RAPGEF4: variants seen among roughly 807,000 people sequenced by gnomAD.
The protein encoded by RAPGEF4 is Rap guanine nucleotide exchange factor 4, also known as RAP guanine-nucleotide-exchange factor (GEF) 4.
In RAPGEF4, 66 loss-of-function variants were observed where a neutral mutation model predicts 147.9. The observed-to-expected ratio is 0.45, with a 90% CI of 0.37 to 0.55. RAPGEF4 has a LOEUF of 0.55. Among genes scored for constraint, RAPGEF4 ranks in the 20% least tolerant of loss-of-function variants. The pLI is 0.00. For missense variants in RAPGEF4, 1,071 were observed against 1,257.3 expected (o/e 0.85, Z 2.24); for synonymous variants, 419 against 442.7 (o/e 0.95, Z 0.67).
chr2:172,822,840 A>G (rs1689225190), intron 4 of RAPGEF4, among the ~76,000 whole-genome samples: 1 of 152,204 alleles, frequency 6.6e-6, no homozygotes, highest in African/African-American at 2.4e-5. Flanking sequence ...CAGCTAAGCT[A>G]CTGAGCAGCC....
intron 1 of RAPGEF4, among the ~76,000 whole-genome samples, chr2:172,758,942 A>G (rs1412394917): frequency 6.6e-6 from 1 of 152,212 alleles, no homozygotes; most frequent in African/African-American, 2.4e-5. Context: ...GTGAGCATTG[A>G]AAGAGAGGAG....
chr2:172,911,647 C>T lies in RAPGEF4; in HGVS notation c.445-6155C>T, dbSNP rs371004815. ...CTAATTTCTGTATTTTTAGTAGAGACGAGGTTTCACCATGTTGGCCAGGCA... is the reference window on the plus strand; with the variant it reads ...CTAATTTCTGTATTTTTAGTAGAGATGAGGTTTCACCATGTTGGCCAGGCA... On this transcript the variant is annotated intron_variant, in intron 4 of 30. Transcript: ENST00000397081. Among the ~76,000 whole-genome samples, 16 of 151,106 alleles carry T rather than the reference C, an allele frequency of 1.1e-4. 1 individual carries two copies. Among genetic ancestry groups the T allele is most frequent in the Admixed American group, 2.6e-4 (4 of 15,154 alleles).
chr2:172,843,712 T>C (rs1484964651), intron 4 of RAPGEF4, among the ~76,000 whole-genome samples: 2 of 135,268 alleles, frequency 1.5e-5, no homozygotes, highest in African/African-American at 5.6e-5. Flanking sequence ...ATGTATTTCA[T>C]TGCATACATA....
chr2:172,915,893 G>A (rs1161357316), intron 4 of RAPGEF4, among the ~76,000 whole-genome samples: 2 of 152,116 alleles, frequency 1.3e-5, no homozygotes, highest in African/African-American at 4.8e-5. Flanking sequence ...CAACAGATAA[G>A]TACTAAGTTT....
intron 23 of RAPGEF4, among the ~76,000 whole-genome samples, chr2:173,026,320 C>T (rs1047188236): frequency 2.6e-5 from 4 of 152,204 alleles, no homozygotes; most frequent in East Asian, 3.8e-4. Flanking sequence ...GCAGGTCACT[C>T]TTCACTGAAT....
At chr2:172,776,197 A>G (rs994830629) in intron 1 of RAPGEF4, among the ~76,000 whole-genome samples, 2 of 152,172 alleles carry the variant, frequency 1.3e-5, no homozygotes, top group Non-Finnish European at 2.9e-5. Context: ...ACATCACTCT[A>G]TTGGATATGA....
chr2:172,922,073 G>A (rs1311201479), intron 5 of RAPGEF4, among the ~76,000 whole-genome samples: 1 of 152,322 alleles, frequency 6.6e-6, no homozygotes, highest in Admixed American at 6.5e-5. Context: ...TGGTGTCTGG[G>A]CACATGGCCC....
At chr2:172,789,587 GAA>G (rs1379970880) in intron 1 of RAPGEF4, among the ~76,000 whole-genome samples, 2 of 152,154 alleles carry the variant, frequency 1.3e-5, no homozygotes, top group Non-Finnish European at 2.9e-5. Context: ...TTTCTTGACT[GAA>G]ACTCTAGGTC....
chr2:172,860,074 TA>T, intron 4 of RAPGEF4: 18 of 985,386 alleles, frequency 1.8e-5, no homozygotes, highest in Non-Finnish European at 2.2e-5. Flanking sequence ...GGGCTACGGC[TA>T]AAGAAAGGTA....
At position 172,735,998 on chromosome 2, in the gene RAPGEF4, C is replaced by T. The variant is rs371878020; in HGVS notation, c.15C>T (p.His5=). 6.4e-4 allele frequency: 953 copies of T among 1,477,796 alleles called. No individual in the cohort carries two copies. Among genetic ancestry groups the T allele is most frequent in the Non-Finnish European group, 8.3e-4 (921 of 1,112,880 alleles). The allele number at this position is 1,477,796 out of a possible 1,614,324, so 91.5% of individuals were successfully genotyped here. A position where few individuals can be genotyped will look rare whatever the true frequency, so the allele number is the denominator to read the frequency against. ...CGCCGCTCAACATGGTCGCTGCGCACGCTGCCCATTCTTCCTCCTCTGCCG... is the reference window on the plus strand; with the variant it reads ...CGCCGCTCAACATGGTCGCTGCGCATGCTGCCCATTCTTCCTCCTCTGCCG... MVAA[H]AAHSSSSAEW... is the part of the protein sequence containing the mutation. The change falls in exon 1 of 31, where the codon CAC becomes CAT. Residue 5 remains histidine (H), a synonymous_variant. Transcript: ENST00000397081.
intron 29 of RAPGEF4, among the ~76,000 whole-genome samples, chr2:173,044,719 T>G (rs1421300911): frequency 1.3e-5 from 2 of 151,990 alleles, no homozygotes; most frequent in African/African-American, 2.4e-5. Flanking sequence ...GGGGTTCAAT[T>G]TGTTCCCCTA....
At chr2:172,867,881 G>T (rs1301589783) in intron 4 of RAPGEF4, among the ~76,000 whole-genome samples, 1 of 152,230 alleles carries the variant, frequency 6.6e-6, no homozygotes, top group African/African-American at 2.4e-5. Flanking sequence ...GAAGAAGTCT[G>T]ATGATTTGGA....
intron 10 of RAPGEF4, among the ~76,000 whole-genome samples, chr2:172,975,069 AT>A (rs1162971469): frequency 6.6e-6 from 1 of 152,226 alleles, no homozygotes; most frequent in African/African-American, 2.4e-5. Context: ...GCCCGGTTAA[AT>A]TGGAATTTCA....
At chr2:172,887,031 T>A (rs1697309349) in intron 4 of RAPGEF4, among the ~76,000 whole-genome samples, 1 of 151,920 alleles carries the variant, frequency 6.6e-6, no homozygotes, top group South Asian at 2.1e-4. Context: ...CTACTAAAAA[T>A]ACAAAATTAG....
intron 4 of RAPGEF4, among the ~76,000 whole-genome samples, chr2:172,889,581 C>G (rs1391541866): frequency 6.6e-6 from 1 of 151,788 alleles, no homozygotes; most frequent in Non-Finnish European, 1.5e-5. Flanking sequence ...TACAAGGGGA[C>G]ATGTTTATAC....
In RAPGEF4 at chr2:173,016,215, C is replaced by T. The variant is rs574509798; in HGVS notation, c.1810-134C>T. ...GTGTAACATTTTCTTCTTTGTTCTTCCTCCAGTCCATGAAGCCATGGTCTG... is the reference window on the plus strand; with the variant it reads ...GTGTAACATTTTCTTCTTTGTTCTTTCTCCAGTCCATGAAGCCATGGTCTG... On this transcript the variant is annotated intron_variant, in intron 18 of 30. Coordinates refer to ENST00000397081, the MANE Select transcript of RAPGEF4 (RefSeq NM_007023.4). 58 of 629,910 alleles carry T rather than the reference C, an allele frequency of 9.2e-5. No individual in the cohort carries two copies. In the African/African-American group the frequency reaches 1.0e-3, roughly 11 times the overall value. The allele number at this position is 629,910 out of a possible 1,614,324, so 39.0% of individuals were successfully genotyped here.
At chr2:172,983,721 G>T in intron 11 of RAPGEF4, 141 bp downstream of exon 11, 1 of 1,408,584 alleles carries the variant, frequency 7.1e-7, no homozygotes. Flanking sequence ...CTTACGAGAT[G>T]CTGAGGAAGT....
intron 17 of RAPGEF4, among the ~76,000 whole-genome samples, chr2:173,005,743 G>A (rs1457242282): frequency 5.3e-5 from 8 of 151,942 alleles, no homozygotes; most frequent in South Asian, 2.1e-4. Context: ...GGATGGCCTC[G>A]ACCTCTTGAC....
intron 10 of RAPGEF4, among the ~76,000 whole-genome samples, chr2:172,978,033 T>C (rs1691270808): frequency 6.6e-6 from 1 of 152,246 alleles, no homozygotes; most frequent in Non-Finnish European, 1.5e-5. Context: ...TAAACTGTTT[T>C]TAGGCTTTGT....
Sources: allele counts gnomAD v4.1 joint callset (sites outside exome capture counted in the v4.1 genomes callset), GRCh38; gene constraint gnomAD v4.1.1; transcripts MANE v1.5; gene names NCBI Gene and HGNC (gene_info 2026-07-23, HGNC 2026-07-21).